Variants in SGCD observed in about 807,000 individuals in gnomAD.
The protein encoded by SGCD is delta-sarcoglycan.
SGCD carries 18 observed loss-of-function variants against 36.6 expected under a neutral mutation model. The observed-to-expected ratio is 0.49, with a 90% CI of 0.34 to 0.73. The LOEUF is 0.73. Among genes scored for constraint, SGCD ranks in the 30% least tolerant of loss-of-function variants. SGCD has a pLI of 0.01. For synonymous variants in SGCD, 133 were observed against 130.6 expected, an observed-to-expected ratio of 1.02 and a Z score of -0.12; for missense variants, 387 against 346.7, an observed-to-expected ratio of 1.12 and a Z score of -0.92.
At chr5:156,652,701 T>C (rs1015651332) in intron 7 of SGCD, among the ~76,000 whole-genome samples, 1 of 152,158 alleles carries the variant, frequency 6.6e-6, no homozygotes, top group African/African-American at 2.4e-5. Context: ...GCCCATTCAG[T>C]ATGATGTTGG....
intron 3 of SGCD, among the ~76,000 whole-genome samples, chr5:156,365,711 G>A (rs1227188144): frequency 6.6e-6 from 1 of 151,874 alleles, no homozygotes; most frequent in Non-Finnish European, 1.5e-5. Context: ...TGTGTATGTA[G>A]ACATATATAC....
chr5:155,916,416 G>A (rs1435739037), intron 1 of SGCD, among the ~76,000 whole-genome samples: 3 of 152,078 alleles, frequency 2.0e-5, no homozygotes, highest in Non-Finnish European at 4.4e-5. Flanking sequence ...AGTTTGACAT[G>A]AGGTCTCTAA....
intron 3 of SGCD, among the ~76,000 whole-genome samples, chr5:156,271,370 G>T (rs368733699): frequency 6.6e-6 from 1 of 152,080 alleles, no homozygotes; most frequent in African/African-American, 2.4e-5. Flanking sequence ...CTACAGGTTC[G>T]TCTGGTCTTA....
chr5:155,758,067 A>T, the SGCD span, among the ~76,000 whole-genome samples: 1 of 152,070 alleles, frequency 6.6e-6, no homozygotes, highest in South Asian at 2.1e-4. Flanking sequence ...TCCTGTGTAA[A>T]TTGCCCAGTC....
At chr5:156,433,677 A>G (rs1401711624) in intron 3 of SGCD, among the ~76,000 whole-genome samples, 1 of 152,156 alleles carries the variant, frequency 6.6e-6, no homozygotes, top group Non-Finnish European at 1.5e-5. Context: ...GTTGTATGTG[A>G]TATTAGGCAA....
intron 7 of SGCD, among the ~76,000 whole-genome samples, chr5:156,655,666 G>T (rs543819389): frequency 6.6e-6 from 1 of 152,242 alleles, no homozygotes; most frequent in South Asian, 2.1e-4. Context: ...AAGATACTTT[G>T]TTCTGGATTC....
intron 3 of SGCD, among the ~76,000 whole-genome samples, chr5:156,416,624 T>A (rs1773052467): frequency 1.3e-5 from 2 of 152,218 alleles, no homozygotes; most frequent in African/African-American, 4.8e-5. Flanking sequence ...GTATGACAAG[T>A]CCTGTGTTAT....
rs530613619 is a variant in SGCD at position 156,683,581 on chromosome 5, T to A, written c.575+36045T>A. ...CCTGACACAGGTCCAAATGTCTTTATCAGACAAAAACAAAAAACCTTCCTG... is the reference window on the plus strand; with the variant it reads ...CCTGACACAGGTCCAAATGTCTTTAACAGACAAAAACAAAAAACCTTCCTG... On this transcript the variant is annotated intron_variant, in intron 7 of 8. Coordinates refer to ENST00000337851, the MANE Select transcript of SGCD (RefSeq NM_000337.6). Among the ~76,000 whole-genome samples, 8 of 152,304 alleles carry A rather than the reference T, an allele frequency of 5.3e-5. No individual in the cohort carries two copies. The South Asian group carries it at 1.0e-3, about 20-fold the overall frequency.
chr5:156,001,125 C>A lies in SGCD; in HGVS notation c.-281-116753C>A, dbSNP rs76878483. Among the ~76,000 whole-genome samples the A allele has an allele frequency of 1.6e-3, 243 of 152,314 alleles. 1 individual carries two copies. Among genetic ancestry groups the A allele is most frequent in the African/African-American group, 5.5e-3 (230 of 41,562 alleles). ...TCTACTACCTGCTTGGTCTTTACACCATTCCCATCTCATCATCTTGTTTCT... is the reference window on the plus strand; with the variant it reads ...TCTACTACCTGCTTGGTCTTTACACAATTCCCATCTCATCATCTTGTTTCT... On this transcript the variant is annotated intron_variant, in intron 1 of 9. Coordinates refer to the SGCD transcript ENST00000517913.
intron 1 of SGCD, among the ~76,000 whole-genome samples, chr5:156,068,353 A>G (rs895705453): frequency 1.1e-4 from 17 of 150,470 alleles, no homozygotes; most frequent in Non-Finnish European, 2.1e-4. Flanking sequence ...ATTCCCACTT[A>G]TGAGTGAGAA....
intron 7 of SGCD, among the ~76,000 whole-genome samples, chr5:156,722,685 G>A (rs1755569817): frequency 6.6e-6 from 1 of 152,152 alleles, no homozygotes; most frequent in African/African-American, 2.4e-5. Context: ...GCTTCTTCCA[G>A]TTCCAGAATT....
intron 1 of SGCD, among the ~76,000 whole-genome samples, chr5:156,046,489 T>A (rs188040275): frequency 1.2e-3 from 183 of 152,310 alleles, no homozygotes; most frequent in African/African-American, 4.2e-3. Context: ...CAAAAGTGTG[T>A]GCTCACTTTG....
rs78951425 is a variant in SGCD at position 156,375,123 on chromosome 5, T to C, written c.192+30446T>C. On this transcript the variant is annotated intron_variant, in intron 3 of 8. Transcript: ENST00000337851. ...CACTTCATTTGCTTATTCTCCCCAC[T>C]CCTTCCCTTTCCTTCTCTCTGTCAA... 9.1e-3 allele frequency among the ~76,000 whole-genome samples: 1,390 copies of C among 152,230 alleles called. 23 individuals carry two copies. The highest frequency in any genetic ancestry group is 0.031 in the African/African-American group (1,305 of 41,518).
In SGCD at chr5:156,501,865, C is replaced by T. The variant is rs77662453; in HGVS notation, c.193-6736C>T. On this transcript the variant is annotated intron_variant, in intron 3 of 8. Coordinates refer to ENST00000337851, the MANE Select transcript of SGCD (RefSeq NM_000337.6). ...TGTCTTAGATGTACTTTACAGACTT[C>T]AGGATCATCACTGGACAGCGCTCAT... Among the ~76,000 whole-genome samples, 583 of 152,244 alleles carry T rather than the reference C, an allele frequency of 3.8e-3. 1 individual carries two copies. The highest frequency in any genetic ancestry group is 6.4e-3 in the Non-Finnish European group (435 of 68,014).
chr5:156,619,992 A>G (rs1285741922), intron 6 of SGCD, among the ~76,000 whole-genome samples: 1 of 152,160 alleles, frequency 6.6e-6, no homozygotes, highest in Admixed American at 6.5e-5. Flanking sequence ...AGAGGAGAAA[A>G]TATCCAGTCT....
chr5:155,854,443 C>G, the SGCD span, among the ~76,000 whole-genome samples: 1 of 152,028 alleles, frequency 6.6e-6, no homozygotes, highest in South Asian at 2.1e-4. Flanking sequence ...CTAATTTTCC[C>G]CTAAGAAGCT....
chr5:156,588,617 A>G (rs755701804), intron 4 of SGCD, among the ~76,000 whole-genome samples: 27 of 152,202 alleles, frequency 1.8e-4, no homozygotes, highest in Non-Finnish European at 3.4e-4. Flanking sequence ...GAGTAGATAC[A>G]GGCACAGACG....
intron 3 of SGCD, among the ~76,000 whole-genome samples, chr5:156,379,935 AGCCCACTCTTTG>A (rs1326799329): frequency 1.3e-5 from 2 of 152,240 alleles, no homozygotes; most frequent in Admixed American, 1.3e-4. Flanking sequence ...AATGAGAAAT[AGCCCACTCTTTG>A]GATTTGTTTT....
intron 3 of SGCD, among the ~76,000 whole-genome samples, chr5:156,165,174 A>G (rs187694231): frequency 1.1e-4 from 16 of 152,270 alleles, no homozygotes; most frequent in Admixed American, 9.2e-4. Context: ...GTGAAGCCAT[A>G]CTTCTGCAAG....
Sources: allele counts gnomAD v4.1 joint callset (sites outside exome capture counted in the v4.1 genomes callset), GRCh38; gene constraint gnomAD v4.1.1; transcripts MANE v1.5; gene names NCBI Gene and HGNC (gene_info 2026-07-23, HGNC 2026-07-21).